Variants in CDC14B observed in about 807,000 individuals in gnomAD.
CDC14B encodes cell division cycle 14B.
A neutral mutation model predicts 64.2 loss-of-function variants in CDC14B; 22 were observed. The observed-to-expected ratio is 0.34, with a 90% CI of 0.24 to 0.49. The LOEUF (loss-of-function observed/expected upper bound fraction) is 0.49. CDC14B is among the 20% of genes least tolerant of loss of function. The pLI, the probability that CDC14B is intolerant of heterozygous loss-of-function variation, is 0.99. For missense variants in CDC14B, 498 were observed against 629.9 expected, an observed-to-expected ratio of 0.79 and a Z score of 2.24; for synonymous variants, 191 against 215.8, an observed-to-expected ratio of 0.89 and a Z score of 1.01.
At chr9:96,590,416 AC>A (rs1462450449) in intron 1 of CDC14B, among the ~76,000 whole-genome samples, 7 of 152,126 alleles carry the variant, frequency 4.6e-5, no homozygotes, top group Admixed American at 4.6e-4. Context: ...GGTGGCTTCC[AC>A]CTCTTGGCTC....
At chr9:96,590,821 C>T (rs1460578742) in intron 1 of CDC14B, among the ~76,000 whole-genome samples, 3 of 152,140 alleles carry the variant, frequency 2.0e-5, no homozygotes, top group Non-Finnish European at 2.9e-5. Context: ...ACCTCAGCCT[C>T]CCAAGTAGCT....
chr9:96,567,667 T>TAGAGTAGAGAG (rs1303850373), intron 1 of CDC14B, among the ~76,000 whole-genome samples: 12 of 152,176 alleles, frequency 7.9e-5, no homozygotes, highest in Non-Finnish European at 1.5e-4. Flanking sequence ...AGAAGGATGG[T>TAGAGTAGAGAG]TATCGGAGGC....
chr9:96,575,010 T>C (rs1002920628), intron 1 of CDC14B, among the ~76,000 whole-genome samples: 2 of 152,196 alleles, frequency 1.3e-5, no homozygotes, highest in Admixed American at 6.5e-5. Flanking sequence ...TACCCTATGA[T>C]GAATTGAGTT....
At chr9:96,565,969 CAT>C (rs554605754) in intron 1 of CDC14B, among the ~76,000 whole-genome samples, 2 of 152,202 alleles carry the variant, frequency 1.3e-5, no homozygotes, top group Non-Finnish European at 2.9e-5. Flanking sequence ...TAGAACAAAC[CAT>C]ATGTTTCTCC....
chr9:96,515,548 C>T lies in CDC14B; in HGVS notation c.1344-5759G>A. ...AAAAGAACCTTTGAAAATAGGCAAA[C>T]CAACAAAGCTAGGAGCTGACAAGGA... On this transcript the variant is annotated intron_variant, in intron 12 of 13. Coordinates refer to ENST00000375241, the MANE Select transcript of CDC14B (RefSeq NM_033331.4). The surrounding 1 kb of genome is among the most constrained non-coding windows in gnomAD (Gnocchi z 4.3). 2 of 1,210,204 alleles carry T rather than the reference C, an allele frequency of 1.7e-6. 1 individual carries two copies. The highest frequency in any genetic ancestry group is 3.9e-5 in the South Asian group (2 of 50,984). 75.0% of individuals were successfully genotyped at this position (1,210,204 alleles called of 1,614,324 possible).
chr9:96,612,167 C>T (rs1588081346), intron 1 of CDC14B, among the ~76,000 whole-genome samples: 1 of 152,242 alleles, frequency 6.6e-6, no homozygotes, highest in Admixed American at 6.5e-5. Context: ...TCCTCCGCTG[C>T]TCTGACAAAT....
At chr9:96,596,632 G>A (rs1181103380) in intron 1 of CDC14B, among the ~76,000 whole-genome samples, 1 of 152,138 alleles carries the variant, frequency 6.6e-6, no homozygotes, top group Admixed American at 6.6e-5. Context: ...AGGCCAAGGA[G>A]GGGGGATTGC....
chr9:96,566,928 C>T (rs1009278311), intron 1 of CDC14B: 4 of 1,515,330 alleles, frequency 2.6e-6, no homozygotes, highest in East Asian at 2.5e-5. Context: ...AAGGGCCGCG[C>T]GGGGCAGCGG....
At chr9:96,495,824 G>A (rs1833216020), downstream of CDC14B, among the ~76,000 whole-genome samples, 1 of 152,178 alleles carries the variant, frequency 6.6e-6, no homozygotes, top group South Asian at 2.1e-4. Flanking sequence ...CTGCGTGGGT[G>A]TTGCTGATTG....
At chr9:96,538,832 A>T (rs1003130887) in intron 7 of CDC14B, 3 of 407,594 alleles carry the variant, frequency 7.4e-6, no homozygotes, top group Non-Finnish European at 1.3e-5. Context: ...TAATGTGTGT[A>T]CTGTATGCTT....
intron 1 of CDC14B, among the ~76,000 whole-genome samples, chr9:96,576,965 T>C (rs1426829977): frequency 6.6e-6 from 1 of 151,950 alleles, no homozygotes; most frequent in Non-Finnish European, 1.5e-5. Context: ...ATAAAAGAAA[T>C]GTTTTGGCGG....
At chr9:96,529,962 C>G (rs1189140059) in intron 9 of CDC14B, among the ~76,000 whole-genome samples, 1 of 152,028 alleles carries the variant, frequency 6.6e-6, no homozygotes, top group Non-Finnish European at 1.5e-5. Flanking sequence ...TCTGTATATC[C>G]CTTCGGGCAA....
At chr9:96,607,157 T>C (rs1385293864) in intron 1 of CDC14B, among the ~76,000 whole-genome samples, 2 of 152,070 alleles carry the variant, frequency 1.3e-5, no homozygotes, top group African/African-American at 4.8e-5. Flanking sequence ...CATATCTTTA[T>C]TTTGGAAATT....
chr9:96,586,729 T>A (rs16911325), intron 1 of CDC14B, among the ~76,000 whole-genome samples: 8,861 of 152,026 alleles, frequency 0.058, 867 homozygotes, highest in African/African-American at 0.2. Context: ...GTCCATATTT[T>A]AAAAATTTTA....
At chr9:96,491,959 G>GC (rs992425062) in exon 14 of CDC14B, 45 of 152,568 alleles carry the variant, frequency 2.9e-4, no homozygotes, top group African/African-American at 1.0e-3. Flanking sequence ...AGCCCCAAGT[G>GC]CCCCAGAGAA....
chr9:96,530,259 C>CTG (rs1243544488), intron 9 of CDC14B, among the ~76,000 whole-genome samples: 2 of 150,060 alleles, frequency 1.3e-5, no homozygotes, highest in Non-Finnish European at 3.0e-5. Context: ...AGCAGGGGCT[C>CTG]TGTGTGTGTG....
intron 9 of CDC14B, among the ~76,000 whole-genome samples, chr9:96,529,929 A>C (rs1439061288): frequency 1.3e-5 from 2 of 152,186 alleles, no homozygotes; most frequent in African/African-American, 4.8e-5. Context: ...GAAATGTTGA[A>C]ATTTTGACAG....
chr9:96,544,160 T>C (rs1840472604), intron 5 of CDC14B, among the ~76,000 whole-genome samples: 1 of 151,958 alleles, frequency 6.6e-6, no homozygotes, highest in African/African-American at 2.4e-5. Flanking sequence ...GAGGTTGCAA[T>C]GAGCCAAGAT....
At chr9:96,553,360 C>CTTTTTT (rs113951578) in intron 4 of CDC14B, among the ~76,000 whole-genome samples, 3 of 138,600 alleles carry the variant, frequency 2.2e-5, no homozygotes, top group African/African-American at 5.4e-5. Flanking sequence ...CTTTTCTTTT[C>CTTTTTT]TTTTTTTTTT....
Sources: allele counts gnomAD v4.1 joint callset (sites outside exome capture counted in the v4.1 genomes callset), GRCh38; gene constraint gnomAD v4.1.1; non-coding constraint Gnocchi (gnomAD v3.1); transcripts MANE v1.5; gene names NCBI Gene and HGNC (gene_info 2026-07-23, HGNC 2026-07-21).